The following CDH12 variants were observed in gnomAD, a reference collection of about 807,000 sequenced individuals.
The protein encoded by CDH12 is cadherin 12, also known as cadherin-12.
A neutral mutation model predicts 74.1 loss-of-function variants in CDH12; 41 were observed. The observed-to-expected ratio is 0.55, with a 90% CI of 0.43 to 0.72. CDH12 has a LOEUF of 0.72. Ranked by LOEUF, CDH12 falls within the 30% of genes least tolerant of loss-of-function variation. CDH12 has a pLI of 0.00. For synonymous variants in CDH12, 399 were observed against 355.0 expected, an observed-to-expected ratio of 1.12 and a Z score of -1.39; for missense variants, 945 against 977.2, an observed-to-expected ratio of 0.97 and a Z score of 0.44.
rs944360024 is a variant in CDH12, at chr5:21,990,224, G to A, written c.232-14839C>T. Reference sequence around the variant, plus strand: ...CTCAGTAATGGTTTAATGAACTAATGAATTTATAAAGGAATGAATGCATGC... The same window carrying A: ...CTCAGTAATGGTTTAATGAACTAATAAATTTATAAAGGAATGAATGCATGC... On this transcript the variant is annotated intron_variant, in intron 5 of 14. Coordinates refer to ENST00000382254, the MANE Select transcript of CDH12 (RefSeq NM_004061.5). Among the ~76,000 whole-genome samples, 59 of 152,088 alleles carry A rather than the reference G, an allele frequency of 3.9e-4. 1 individual carries two copies. Among genetic ancestry groups the A allele is most frequent in the South Asian group, 2.1e-4 (1 of 4,828 alleles).
chr5:22,698,122 C>CTTTTTT (rs10677695), intron 1 of CDH12, among the ~76,000 whole-genome samples: 36,231 of 90,264 alleles, frequency 0.4, 9,510 homozygotes, highest in East Asian at 0.56. Context: ...AAAGGCAGGG[C>CTTTTTT]TTTTTTTTTT....
At chr5:22,782,053 T>C (rs1363920916) in intron 1 of CDH12, among the ~76,000 whole-genome samples, 1 of 152,188 alleles carries the variant, frequency 6.6e-6, no homozygotes, top group Non-Finnish European at 1.5e-5. Context: ...CCACATTGTA[T>C]TGTTGAATTA....
chr5:22,510,165 G>A (rs1445214744), intron 1 of CDH12, among the ~76,000 whole-genome samples: 3 of 152,014 alleles, frequency 2.0e-5, no homozygotes, highest in Non-Finnish European at 2.9e-5. Flanking sequence ...AAAATGGAAG[G>A]AATGTAAACT....
At chr5:21,855,042 A>C (rs907697364) in intron 6 of CDH12, among the ~76,000 whole-genome samples, 1 of 151,764 alleles carries the variant, frequency 6.6e-6, no homozygotes, top group Non-Finnish European at 1.5e-5. Context: ...CATCGAAATG[A>C]AAGTCATCAT....
chr5:22,784,830 G>A (rs1041918446), intron 1 of CDH12, among the ~76,000 whole-genome samples: 1 of 152,180 alleles, frequency 6.6e-6, no homozygotes, highest in South Asian at 2.1e-4. Flanking sequence ...TTTATGTATG[G>A]CAAGTGATAA....
chr5:22,292,334 GGTTTTTGTT>G (rs1270723355), intron 3 of CDH12, among the ~76,000 whole-genome samples: 6 of 98,852 alleles, frequency 6.1e-5, no homozygotes, highest in Non-Finnish European at 1.2e-4. Context: ...TGGGGTTTTT[GGTTTTTGTT>G]TTTTTTTTTT....
At chr5:21,883,841 G>T in intron 6 of CDH12, 1 of 1,605,640 alleles carries the variant, frequency 6.2e-7, no homozygotes, top group Non-Finnish European at 8.5e-7. Context: ...TGAATGAAAA[G>T]AAAGACAGAG....
intron 5 of CDH12, among the ~76,000 whole-genome samples, chr5:22,018,354 C>T (rs924135190): frequency 2.0e-5 from 3 of 151,668 alleles, no homozygotes; most frequent in Non-Finnish European, 4.4e-5. Flanking sequence ...ACTATTAAAT[C>T]TTAAAATCTG....
chr5:22,204,027 A>G (rs1428473986), intron 4 of CDH12, among the ~76,000 whole-genome samples: 1 of 152,254 alleles, frequency 6.6e-6, no homozygotes, highest in East Asian at 1.9e-4. Context: ...GCGCAAAGAG[A>G]CAACTTACAG....
intron 4 of CDH12, among the ~76,000 whole-genome samples, chr5:22,088,885 T>G (rs1277926471): frequency 6.6e-6 from 1 of 152,148 alleles, no homozygotes; most frequent in Non-Finnish European, 1.5e-5. Flanking sequence ...GTTGTGAAAG[T>G]GTCCCCCAAG....
At chr5:21,795,897 TC>T (rs1289468988) in intron 10 of CDH12, among the ~76,000 whole-genome samples, 2 of 151,956 alleles carry the variant, frequency 1.3e-5, no homozygotes, top group Non-Finnish European at 2.9e-5. Context: ...AAAAATCAAT[TC>T]CAATTGATTA....
At chr5:21,976,429 C>A (rs897314468) in intron 5 of CDH12, among the ~76,000 whole-genome samples, 39 of 151,048 alleles carry the variant, frequency 2.6e-4, no homozygotes, top group Admixed American at 2.6e-3. Flanking sequence ...ATATAAATTA[C>A]GTGTAAATAA....
chr5:22,369,667 T>C (rs188464912), intron 3 of CDH12, among the ~76,000 whole-genome samples: 5 of 152,278 alleles, frequency 3.3e-5, no homozygotes, highest in African/African-American at 1.2e-4. Context: ...TTTACTCTAA[T>C]CTCAGAGTGC....
chr5:21,762,872 G>T (rs1404549081), intron 12 of CDH12, among the ~76,000 whole-genome samples: 5 of 104,284 alleles, frequency 4.8e-5, no homozygotes, highest in Non-Finnish European at 8.1e-5. Flanking sequence ...CTAAAGAACT[G>T]GCTTTTTTTT....
At chr5:22,590,376 G>A (rs2126798255) in intron 1 of CDH12, among the ~76,000 whole-genome samples, 1 of 151,874 alleles carries the variant, frequency 6.6e-6, no homozygotes, top group East Asian at 1.9e-4. Context: ...ATGACACATG[G>A]AATTACCACT....
At chr5:21,800,163 C>T (rs961674175) in intron 10 of CDH12, among the ~76,000 whole-genome samples, 2 of 151,928 alleles carry the variant, frequency 1.3e-5, no homozygotes, top group African/African-American at 4.8e-5. Flanking sequence ...TGGAGATTCA[C>T]AGCTGGAGAG....
chr5:21,913,866 A>T (rs1205171002), intron 6 of CDH12, among the ~76,000 whole-genome samples: 1 of 151,928 alleles, frequency 6.6e-6, no homozygotes, highest in Non-Finnish European at 1.5e-5. Flanking sequence ...TCATTTTTGG[A>T]GAGATAGGAG....
intron 1 of CDH12, among the ~76,000 whole-genome samples, chr5:22,728,872 A>G (rs1003352908): frequency 1.4e-4 from 21 of 151,798 alleles, no homozygotes; most frequent in Non-Finnish European, 2.9e-5. Context: ...CCCACATCCT[A>G]GTACCATACC....
At chr5:21,797,002 C>T (rs1403942675) in intron 10 of CDH12, among the ~76,000 whole-genome samples, 1 of 152,070 alleles carries the variant, frequency 6.6e-6, no homozygotes, top group East Asian at 1.9e-4. Flanking sequence ...AACAAGAAAT[C>T]TAGTGCATCA....
Sources: allele counts gnomAD v4.1 joint callset (sites outside exome capture counted in the v4.1 genomes callset), GRCh38; gene constraint gnomAD v4.1.1; transcripts MANE v1.5; gene names NCBI Gene and HGNC (gene_info 2026-07-23, HGNC 2026-07-21).